Variants in SMCO4 observed in about 807,000 individuals in gnomAD.
SMCO4 encodes the protein single-pass membrane protein with coiled-coil domains 4.
A neutral mutation model predicts 3.6 loss-of-function variants in SMCO4; 4 were observed. The ratio of observed to expected loss-of-function variants is 1.11; its 90% CI spans 0.54 to 2.53. The LOEUF (loss-of-function observed/expected upper bound fraction) is 2.53. SMCO4 is among the 30% of genes most tolerant of loss of function. SMCO4 has a pLI of 0.02. For synonymous variants in SMCO4, 36 were observed against 35.3 expected (o/e 1.02, Z -0.07); for missense variants, 70 against 80.8 (o/e 0.87, Z 0.51).
intron 2 of SMCO4, among the ~76,000 whole-genome samples, chr11:93,488,230 G>A (rs887432978): frequency 2.0e-5 from 3 of 152,326 alleles, no homozygotes; most frequent in Non-Finnish European, 2.9e-5. Context: ...CTCAGGCGGG[G>A]CATCCCTTGC....
At chr11:93,536,460 TA>T (rs1949225939) in intron 1 of SMCO4, among the ~76,000 whole-genome samples, 1 of 152,020 alleles carries the variant, frequency 6.6e-6, no homozygotes, top group Non-Finnish European at 1.5e-5. Context: ...TGTAGGCAAA[TA>T]AAAGACAAAT....
chr11:93,517,307 C>T (rs565704141), intron 1 of SMCO4, among the ~76,000 whole-genome samples: 30 of 152,234 alleles, frequency 2.0e-4, no homozygotes, highest in Admixed American at 3.9e-4. Context: ...TTACGACTGC[C>T]GTAATCCAAT....
intron 2 of SMCO4, among the ~76,000 whole-genome samples, chr11:93,485,275 T>TC (rs1948635400): frequency 1.3e-5 from 2 of 152,156 alleles, no homozygotes; most frequent in Non-Finnish European, 2.9e-5. Flanking sequence ...GGCTGAGAAC[T>TC]CCCTAAGCCT....
At chr11:93,527,471 T>C (rs966808264) in intron 1 of SMCO4, among the ~76,000 whole-genome samples, 1 of 152,174 alleles carries the variant, frequency 6.6e-6, no homozygotes, top group Non-Finnish European at 1.5e-5. Flanking sequence ...GGCAATTTTT[T>C]TCCTTGAGAC....
intron 1 of SMCO4, among the ~76,000 whole-genome samples, chr11:93,514,397 T>TACAC (rs1168339666): frequency 1.2e-5 from 1 of 86,860 alleles, no homozygotes; most frequent in Non-Finnish European, 2.2e-5. Context: ...TATATATATA[T>TACAC]ATATATATAT....
chr11:93,530,614 AAAG>A (rs1247368271), intron 1 of SMCO4, among the ~76,000 whole-genome samples: 5 of 152,132 alleles, frequency 3.3e-5, no homozygotes, highest in African/African-American at 7.2e-5. Context: ...CAGTCCACGC[AAAG>A]AAGGACCTCT....
intron 2 of SMCO4, among the ~76,000 whole-genome samples, chr11:93,482,452 C>A (rs1348502465): frequency 6.6e-6 from 1 of 152,218 alleles, no homozygotes; most frequent in Non-Finnish European, 1.5e-5. Context: ...GGCTGAAGAT[C>A]TGTATTTGGA....
intron 2 of SMCO4, among the ~76,000 whole-genome samples, chr11:93,487,482 A>G (rs2134576275): frequency 6.6e-6 from 1 of 152,274 alleles, no homozygotes; most frequent in Middle Eastern, 3.4e-3. Flanking sequence ...CAGATAAAAG[A>G]TACACACACA....
intron 2 of SMCO4, among the ~76,000 whole-genome samples, chr11:93,497,892 G>A (rs1948793575): frequency 6.6e-6 from 1 of 152,216 alleles, no homozygotes; most frequent in Non-Finnish European, 1.5e-5. Flanking sequence ...GCTGAGTCAA[G>A]TCTTCCAAGA....
At position 93,525,469 on chromosome 11, in the gene SMCO4, G is replaced by C. The variant is rs539030267; in HGVS notation, c.-154+17807C>G. 2.6e-5 allele frequency among the ~76,000 whole-genome samples: 4 copies of C among 152,248 alleles called. No homozygotes were observed. The South Asian group carries it at 6.2e-4, about 24-fold the overall frequency. On this transcript the variant is annotated intron_variant, in intron 1 of 2. Coordinates refer to ENST00000298966, the MANE Select transcript of SMCO4 (RefSeq NM_020179.3). ...TTCCTTGAAAGAAAAAAGTTCCATA[G>C]AGTTAGTGAGGATCAGCAATTTTCA... is the stretch of plus-strand genomic sequence containing the variant.
At chr11:93,498,630 A>G (rs1468724285) in intron 2 of SMCO4, among the ~76,000 whole-genome samples, 2 of 152,244 alleles carry the variant, frequency 1.3e-5, no homozygotes, top group Non-Finnish European at 2.9e-5. Context: ...CAGATACAAA[A>G]GCTTTGCTAT....
intron 1 of SMCO4, among the ~76,000 whole-genome samples, chr11:93,509,144 A>G (rs1345682420): frequency 1.3e-5 from 2 of 151,918 alleles, no homozygotes; most frequent in African/African-American, 2.4e-5. Flanking sequence ...AAAAAAAGTT[A>G]GCTGGGCATG....
In SMCO4 at chr11:93,479,005, G is replaced by T. The variant is rs553446492; in HGVS notation, c.*5C>A. On this transcript the variant is annotated 3_prime_UTR_variant, in exon 3 of 3. Transcript: ENST00000298966. Reference sequence around the variant, plus strand: ...GCCGATGGGGTCCGCAGCCGGCTGCGGGGCTCACTCGGTGATGGTGGGGCG... The same window carrying T: ...GCCGATGGGGTCCGCAGCCGGCTGCTGGGCTCACTCGGTGATGGTGGGGCG... 13 of 1,599,958 alleles carry T rather than the reference G, an allele frequency of 8.1e-6. No individual in the cohort carries two copies. The highest frequency in any genetic ancestry group is 1.7e-4 in the Middle Eastern group (1 of 6,018).
Position 93,484,194 on chromosome 11 carries a change from G to A in SMCO4, c.-80-4925C>T, listed in dbSNP as rs77638046. Among the ~76,000 whole-genome samples, 1,094 of 152,318 alleles carry A rather than the reference G, an allele frequency of 7.2e-3. 17 individuals are homozygous for A. The highest frequency in any genetic ancestry group is 0.026 in the African/African-American group (1,060 of 41,554). On this transcript the variant is annotated intron_variant, in intron 2 of 2. Coordinates refer to ENST00000298966, the MANE Select transcript of SMCO4 (RefSeq NM_020179.3). ...AATGGTCCCCAGTATGTGTGGGCAG[G>A]AGACCAGAGGCAGAGAGGAGGAAAG...
rs1240391790 is a variant in SMCO4 at position 93,478,771 on chromosome 11, G to A, written c.*239C>T. The A allele has an allele frequency of 8.3e-7, 1 of 1,203,452 alleles. No individual in the cohort carries two copies. The highest frequency in any genetic ancestry group is 1.1e-6 in the Non-Finnish European group (1 of 928,652). The allele number at this position is 1,203,452 out of a possible 1,614,324, so 74.5% of individuals were successfully genotyped here. On this transcript the variant is annotated 3_prime_UTR_variant, in exon 3 of 3. Transcript: ENST00000298966. The stretch of plus-strand genomic sequence containing the variant: ...CACACACATGCGCGCGCGCTTTGAA[G>A]TCTGAAAGGCACATGAAGTGGACCA...
intron 2 of SMCO4, among the ~76,000 whole-genome samples, chr11:93,482,742 C>T (rs189224259): frequency 1.4e-3 from 214 of 152,302 alleles, no homozygotes; most frequent in Admixed American, 3.5e-3. Flanking sequence ...CTGTCAGTGG[C>T]ACGTGCTCAG....
chr11:93,492,233 CATTT>C (rs1378461460), intron 2 of SMCO4, among the ~76,000 whole-genome samples: 4 of 152,192 alleles, frequency 2.6e-5, no homozygotes, highest in African/African-American at 9.7e-5. Context: ...TGCACAGATT[CATTT>C]ACTCACTCAC....
chr11:93,545,451 G>A (rs1439804106), upstream of SMCO4, among the ~76,000 whole-genome samples: 1 of 152,020 alleles, frequency 6.6e-6, no homozygotes, highest in South Asian at 2.1e-4. Context: ...GCTGGGCGTG[G>A]TGGCAGGCAC....
At chr11:93,512,668 C>T (rs948720677) in intron 1 of SMCO4, among the ~76,000 whole-genome samples, 16 of 152,206 alleles carry the variant, frequency 1.1e-4, no homozygotes, top group Non-Finnish European at 2.2e-4. Flanking sequence ...AGGCTATAGA[C>T]ACATTGTCTA....
Sources: gnomAD v4.1 joint callset for allele counts (sites outside exome capture counted in the v4.1 genomes callset) on GRCh38, gnomAD v4.1.1 for gene constraint, MANE v1.5 for transcripts, NCBI Gene and HGNC (gene_info 2026-07-23, HGNC 2026-07-21) for gene names.